The following NKAIN2 variants were observed in gnomAD, a reference collection of about 807,000 sequenced individuals.
NKAIN2 encodes sodium/potassium transporting ATPase interacting 2.
Under a neutral mutation model 32.6 loss-of-function variants are expected in NKAIN2, and 14 were observed. The observed-to-expected ratio is 0.43, with a 90% CI of 0.28 to 0.67. NKAIN2 has a LOEUF of 0.67. NKAIN2 is among the 30% of genes least tolerant of loss of function. The pLI is 0.17. For synonymous variants in NKAIN2, 80 were observed against 87.2 expected (o/e 0.92, Z 0.46); for missense variants, 198 against 258.3 (o/e 0.77, Z 1.60).
At chr6:124,632,165 A>T (rs1244243698) in intron 3 of NKAIN2, among the ~76,000 whole-genome samples, 1 of 152,214 alleles carries the variant, frequency 6.6e-6, no homozygotes, top group African/African-American at 2.4e-5. Flanking sequence ...GTGAACACAC[A>T]TCTTAATTAA....
At chr6:124,118,071 C>A (rs1785701357) in intron 1 of NKAIN2, among the ~76,000 whole-genome samples, 1 of 151,982 alleles carries the variant, frequency 6.6e-6, no homozygotes, top group Non-Finnish European at 1.5e-5. Context: ...TTCTTTCCTT[C>A]TTGTATTCTG....
At chr6:124,570,456 C>G (rs1157055543) in intron 3 of NKAIN2, among the ~76,000 whole-genome samples, 1 of 152,146 alleles carries the variant, frequency 6.6e-6, no homozygotes, top group East Asian at 1.9e-4. Context: ...GGGCTTGGCC[C>G]TGGGTCCCTG....
chr6:124,389,207 C>T (rs747699435), intron 3 of NKAIN2, among the ~76,000 whole-genome samples: 2 of 152,036 alleles, frequency 1.3e-5, no homozygotes, highest in African/African-American at 2.4e-5. Flanking sequence ...TTATACACAA[C>T]ATTATTGGAA....
At chr6:124,246,595 T>C (rs1368325447) in intron 1 of NKAIN2, among the ~76,000 whole-genome samples, 1 of 152,090 alleles carries the variant, frequency 6.6e-6, no homozygotes, top group Non-Finnish European at 1.5e-5. Context: ...CCTCGACACC[T>C]CTTTCATAGT....
At position 124,353,879 on chromosome 6, in the gene NKAIN2, A is replaced by G. The variant is rs116034288; in HGVS notation, c.193-1388A>G. On this transcript the variant is annotated intron_variant, in intron 2 of 6. Coordinates refer to ENST00000368417, the MANE Select transcript of NKAIN2 (RefSeq NM_001040214.3). ...TGAAACACATGGCTCAAAAGGTAAC[A>G]AGGTGCAAGATCATGATCATGATCA... Among the ~76,000 whole-genome samples the G allele has an allele frequency of 8.6e-3, 1,305 of 152,304 alleles. 20 individuals are homozygous for G. Among genetic ancestry groups the G allele is most frequent in the African/African-American group, 0.03 (1,244 of 41,562 alleles).
At chr6:123,936,203 A>G (rs1039451124) in intron 1 of NKAIN2, among the ~76,000 whole-genome samples, 12 of 152,216 alleles carry the variant, frequency 7.9e-5, no homozygotes, top group Admixed American at 7.9e-4. Context: ...AGCATTGTGC[A>G]TCGCACACAT....
At chr6:124,707,692 G>GT (rs1038985862) in intron 4 of NKAIN2, among the ~76,000 whole-genome samples, 22 of 151,504 alleles carry the variant, frequency 1.5e-4, no homozygotes, top group Non-Finnish European at 2.1e-4. Flanking sequence ...GGGGTTGTTT[G>GT]TTTTTTTCTT....
intron 1 of NKAIN2, among the ~76,000 whole-genome samples, chr6:124,016,265 C>G (rs1780569979): frequency 6.6e-6 from 1 of 152,082 alleles, no homozygotes. Context: ...AAAGAAACCT[C>G]TCGAAGAAAT....
chr6:123,916,586 T>C (rs1214197090), intron 1 of NKAIN2, among the ~76,000 whole-genome samples: 1 of 151,862 alleles, frequency 6.6e-6, no homozygotes, highest in Non-Finnish European at 1.5e-5. Flanking sequence ...GGAGGGAACA[T>C]GAATGTAAGA....
At chr6:124,800,838 CTTGT>C (rs552300222) in intron 5 of NKAIN2, among the ~76,000 whole-genome samples, 6 of 152,160 alleles carry the variant, frequency 3.9e-5, no homozygotes, top group African/African-American at 7.2e-5. Context: ...TTTGCATTTG[CTTGT>C]TTGTTTGTTT....
intron 4 of NKAIN2, among the ~76,000 whole-genome samples, chr6:124,679,730 T>A (rs1276769216): frequency 6.6e-6 from 1 of 152,188 alleles, no homozygotes; most frequent in East Asian, 1.9e-4. Flanking sequence ...ATAAAATAAA[T>A]AATGGTTTTT....
At chr6:124,398,252 CAAAAAAAAAAAAAAAAAA>C (rs869039720) in intron 3 of NKAIN2, among the ~76,000 whole-genome samples, 1 of 69,092 alleles carries the variant, frequency 1.4e-5, no homozygotes, top group Non-Finnish European at 2.5e-5. Context: ...GACTGCATCT[CAAAAAAAAAAAAAAAAAA>C]AAAAAAAAAA....
At chr6:124,678,468 A>AT (rs1286959028) in intron 4 of NKAIN2, among the ~76,000 whole-genome samples, 1 of 151,308 alleles carries the variant, frequency 6.6e-6, no homozygotes, top group Non-Finnish European at 1.5e-5. Context: ...TTGCTGATTG[A>AT]TTTTTTTTCT....
At chr6:124,744,511 A>ATT (rs535469312) in intron 4 of NKAIN2, among the ~76,000 whole-genome samples, 1 of 150,522 alleles carries the variant, frequency 6.6e-6, no homozygotes, top group South Asian at 2.1e-4. Context: ...GAATCTATTT[A>ATT]TTTTTTTTTC....
intron 2 of NKAIN2, among the ~76,000 whole-genome samples, chr6:124,307,075 G>C (rs141257146): frequency 2.0e-5 from 3 of 151,990 alleles, no homozygotes; most frequent in Non-Finnish European, 4.4e-5. Flanking sequence ...AGGCCCGCTC[G>C]GGAAGGTCTA....
At chr6:124,345,708 A>G (rs1798387100) in intron 2 of NKAIN2, among the ~76,000 whole-genome samples, 2 of 151,522 alleles carry the variant, frequency 1.3e-5, no homozygotes, top group African/African-American at 2.4e-5. Context: ...TATTGCGTCT[A>G]TTTGATTCTT....
chr6:123,845,585 GT>G (rs1328459780), intron 1 of NKAIN2, among the ~76,000 whole-genome samples: 2 of 152,140 alleles, frequency 1.3e-5, no homozygotes, highest in African/African-American at 2.4e-5. Context: ...CCATAATCAG[GT>G]TTTTTCAGCC....
At chr6:123,928,599 G>A (rs1383352637) in intron 1 of NKAIN2, among the ~76,000 whole-genome samples, 1 of 152,032 alleles carries the variant, frequency 6.6e-6, no homozygotes, top group Non-Finnish European at 1.5e-5. Flanking sequence ...CATGGTTTCT[G>A]GAATATAGTA....
intron 1 of NKAIN2, among the ~76,000 whole-genome samples, chr6:123,949,409 A>G (rs1777222901): frequency 6.6e-6 from 1 of 151,916 alleles, no homozygotes; most frequent in Non-Finnish European, 1.5e-5. Context: ...TCATTTTAAC[A>G]ATTTTAATCC....
Sources: allele counts gnomAD v4.1 joint callset (sites outside exome capture counted in the v4.1 genomes callset), GRCh38; gene constraint gnomAD v4.1.1; transcripts MANE v1.5; gene names NCBI Gene and HGNC (gene_info 2026-07-23, HGNC 2026-07-21).